Variants in SMARCC2 observed in about 807,000 individuals in gnomAD.
SMARCC2 encodes SWI/SNF related BAF chromatin remodeling complex subunit C2, also known as SWI/SNF complex subunit SMARCC2.
Under a neutral mutation model 151.3 loss-of-function variants are expected in SMARCC2, and 15 were observed. The ratio of observed to expected loss-of-function variants is 0.10; its 90% CI spans 0.07 to 0.15. The LOEUF is 0.15. Among genes scored for constraint, SMARCC2 ranks in the 10% least tolerant of loss-of-function variants. SMARCC2 has a pLI of 1.00. For synonymous variants in SMARCC2, 590 were observed against 609.5 expected, an observed-to-expected ratio of 0.97 and a Z score of 0.47; for missense variants, 1,031 against 1,599.7, an observed-to-expected ratio of 0.64 and a Z score of 6.06.
chr12:56,170,022 C>G (rs1196967201), intron 23 of SMARCC2, 111 bp from the exon 24 acceptor site: 1 of 1,438,718 alleles, frequency 7.0e-7, no homozygotes, highest in Non-Finnish European at 9.7e-7. Context: ...TGGAGGTGAT[C>G]TGATTCTAGG....
At chr12:56,173,160 T>A in intron 17 of SMARCC2, 131 bp from the exon 18 acceptor site, 1 of 698,020 alleles carries the variant, frequency 1.4e-6, no homozygotes, top group Non-Finnish European at 2.5e-6. Flanking sequence ...CCATGTTCCC[T>A]TCATGATTAA....
intron 11 of SMARCC2, among the ~76,000 whole-genome samples, chr12:56,179,345 T>C (rs888737784): frequency 3.9e-5 from 6 of 152,270 alleles, no homozygotes; most frequent in Admixed American, 3.9e-4. Context: ...AATGGTCTGA[T>C]ACTGAATCTG....
intron 15 of SMARCC2, among the ~76,000 whole-genome samples, chr12:56,177,710 G>T (rs1391255122): frequency 1.3e-5 from 2 of 152,222 alleles, no homozygotes; most frequent in African/African-American, 4.8e-5. Context: ...AATATCTGCA[G>T]TATAGACGAT....
intron 10 of SMARCC2, 148 bp from the exon 11 acceptor site, chr12:56,181,249 G>T: frequency 1.3e-6 from 1 of 777,422 alleles, no homozygotes; most frequent in Non-Finnish European, 2.0e-6. Flanking sequence ...GTAATGGGAA[G>T]TGGCAAAGGC....
Position 56,171,543 on chromosome 12 carries a change from C to T in SMARCC2, c.2186-111G>A. ...GTCTTCATCTAAGCTAGTATGGAGC[C>T]TAGACAGGTGCCTGAGCTGAGGCCC... On this transcript the variant is annotated intron_variant, in intron 21 of 28. Coordinates refer to ENST00000550164, the MANE Select transcript of SMARCC2 (RefSeq NM_001330288.2). This position sits in a 1 kb window ranked among gnomAD's most constrained non-coding sequence, Gnocchi z 4.2. 2.6e-6 allele frequency: 4 copies of T among 1,512,148 alleles called. No homozygotes were observed. In the South Asian group the frequency reaches 4.9e-5, roughly 18 times the overall value. The allele number at this position is 1,512,148 out of a possible 1,614,324, so 93.7% of individuals were successfully genotyped here.
Position 56,171,488 on chromosome 12 carries a change from A to AT in SMARCC2, c.2186-57dup. On this transcript the variant is annotated intron_variant, in intron 21 of 28. Coordinates refer to ENST00000550164, the MANE Select transcript of SMARCC2 (RefSeq NM_001330288.2). The surrounding 1 kb of genome is among the most constrained non-coding windows in gnomAD (Gnocchi z 4.2). ...GCGGCACAGTGGAACAGTTCTGGCA[A>AT]TCCCTGCAAAAGCTTACTCACAAGC... is the stretch of plus-strand genomic sequence containing the variant. 6.2e-7 allele frequency: 1 copy of AT among 1,606,148 alleles called. No individual in the cohort carries two copies. The highest frequency in any genetic ancestry group is 2.2e-5 in the East Asian group (1 of 44,820).
Position 56,181,993 on chromosome 12 carries a change from G to A in SMARCC2, c.708+11C>T, listed in dbSNP as rs1876307596. On this transcript the variant is annotated intron_variant, in intron 8 of 28. Coordinates refer to ENST00000550164, the MANE Select transcript of SMARCC2 (RefSeq NM_001330288.2). ...TCTTTTTGGGGAAGAGGGGATACAA[G>A]AAAAGCTCACCTTCCTAGGTTTCTC... is the stretch of plus-strand genomic sequence containing the variant. 3 of 1,606,138 alleles carry A rather than the reference G, an allele frequency of 1.9e-6. No homozygotes were observed. The African/African-American group carries it at 4.0e-5, about 21-fold the overall frequency.
chr12:56,182,091 A>G lies in SMARCC2; in HGVS notation c.633-12T>C, dbSNP rs1480916922. On this transcript the variant is annotated splice_polypyrimidine_tract_variant and intron_variant, in intron 7 of 28. Coordinates refer to ENST00000550164, the MANE Select transcript of SMARCC2 (RefSeq NM_001330288.2). ...TCCACGTGTCGTAACTGCCATGGGA[A>G]ATTGAGCACACAGTAGAATCAATGG... 1.3e-6 allele frequency: 2 copies of G among 1,596,004 alleles called. No individual in the cohort carries two copies. The highest frequency in any genetic ancestry group is 1.1e-5 in the South Asian group (1 of 90,356).
At position 56,184,188 on chromosome 12, in the gene SMARCC2, C is replaced by T; in HGVS notation, c.549G>A (p.Gly183=). The change falls in exon 6 of 29, where the codon GGG becomes GGA. Residue 183 remains glycine, a synonymous_variant. Transcript: ENST00000550164. ...CCCAGGTCTCACCTTCTTCTAGATTCCCCGGGACAGGATACACAACATGGG... is the reference window on the plus strand; with the variant it reads ...CCCAGGTCTCACCTTCTTCTAGATTTCCCGGGACAGGATACACAACATGGG... The part of the protein sequence containing the change: ...NASHVVYPVP[G]NLEEEEWVRP... 6.2e-7 allele frequency: 1 copy of T among 1,612,702 alleles called. No homozygotes were observed. The highest frequency in any genetic ancestry group is 8.5e-7 in the Non-Finnish European group (1 of 1,178,870).
chr12:56,173,667 C>T (rs756565336), intron 17 of SMARCC2, 29 bp downstream of exon 17: 7 of 1,577,732 alleles, frequency 4.4e-6, no homozygotes, highest in Middle Eastern at 1.7e-4. Context: ...CTTCCCAACC[C>T]GCCCCATCCC....
Position 56,171,648 on chromosome 12 carries a change from A to G in SMARCC2, c.2185+31T>C, listed in dbSNP as rs774131911. 1.8e-5 allele frequency: 28 copies of G among 1,523,824 alleles called. 1 individual carries two copies. The highest frequency in any genetic ancestry group is 1.1e-4 in the East Asian group (5 of 44,168). The allele number at this position is 1,523,824 out of a possible 1,614,324, so 94.4% of individuals were successfully genotyped here. ...ACTAGCCCTTCAAAAGCAAACTAAG[A>G]AGGCCAGGTGGAACCACCCACCCCC... is the stretch of plus-strand genomic sequence containing the variant. On this transcript the variant is annotated intron_variant, in intron 21 of 28. Transcript: ENST00000550164. This position sits in a 1 kb window ranked among gnomAD's most constrained non-coding sequence, Gnocchi z 4.2.
At chr12:56,169,743 C>G in intron 24 of SMARCC2, 33 bp downstream of exon 24, 1 of 1,614,046 alleles carries the variant, frequency 6.2e-7, no homozygotes, top group Non-Finnish European at 8.5e-7. Context: ...CACCTCTGTC[C>G]TGCACCCCCA....
chr12:56,172,223 G>C (rs1874083384), intron 20 of SMARCC2: 1 of 551,370 alleles, frequency 1.8e-6, no homozygotes, highest in South Asian at 2.6e-5. Context: ...TGGGACCACA[G>C]GTGTGTGCCA....
intron 25 of SMARCC2, 105 bp downstream of exon 25, chr12:56,169,424 G>A: frequency 7.5e-7 from 1 of 1,333,458 alleles, no homozygotes; most frequent in Non-Finnish European, 1.0e-6. Context: ...AAAATAAATA[G>A]GTCAGCATTA....
Position 56,186,139 on chromosome 12 carries a change from G to C in SMARCC2, c.317+16C>G. ...CTCTAAACTAAATATAAGAAGAATA[G>C]AGAGAATCATCTCACCATCCCTGGT... On this transcript the variant is annotated intron_variant, in intron 3 of 28. Transcript: ENST00000550164. The C allele has an allele frequency of 6.5e-7, 1 of 1,535,168 alleles. No homozygotes were observed. Among genetic ancestry groups the C allele is most frequent in the Non-Finnish European group, 9.0e-7 (1 of 1,108,082 alleles).
chr12:56,184,087 A>G, intron 6 of SMARCC2, 88 bp downstream of exon 6: 2 of 1,091,320 alleles, frequency 1.8e-6, no homozygotes, highest in Non-Finnish European at 2.8e-6. Flanking sequence ...AAAGAAGAGG[A>G]GGAGCCCAGG....
rs138079036 is a variant in SMARCC2 at position 56,184,191 on chromosome 12, C to T, written c.546G>A (p.Pro182=). 1.5e-5 allele frequency: 24 copies of T among 1,613,206 alleles called. No homozygotes were observed. In the East Asian group the frequency reaches 2.2e-4, roughly 15 times the overall value. The stretch of plus-strand genomic sequence containing the variant: ...AGGTCTCACCTTCTTCTAGATTCCC[C>T]GGGACAGGATACACAACATGGGAGG... ...NNASHVVYPV[P]GNLEEEEWVR... The change falls in exon 6 of 29, where the codon CCG becomes CCA. Residue 182 remains proline (P), a synonymous_variant. Transcript: ENST00000550164.
At chr12:56,164,227 T>G in intron 28 of SMARCC2, 76 bp downstream of exon 28, 1 of 1,362,874 alleles carries the variant, frequency 7.3e-7, no homozygotes, top group South Asian at 1.2e-5. Flanking sequence ...CCTGACCTCT[T>G]CCCCACCTGC....
Position 56,189,288 on chromosome 12 carries a change from T to G in SMARCC2, c.111+63A>C. ...TGGAGGGTAGGCAGGATCCCGGGGC[T>G]GCAGGGCCGCGGTCCCTTTGTCCCG... is the stretch of plus-strand genomic sequence containing the variant. On this transcript the variant is annotated intron_variant, in intron 1 of 28. Transcript: ENST00000550164. The G allele has an allele frequency of 3.8e-6, 4 of 1,060,294 alleles. No homozygotes were observed. In the South Asian group the frequency reaches 6.8e-5, roughly 18 times the overall value. 65.7% of individuals were successfully genotyped at this position (1,060,294 alleles called of 1,614,324 possible). A position where few individuals can be genotyped will look rare whatever the true frequency, so the allele number is the denominator to read the frequency against.
Sources: gnomAD v4.1 joint callset for allele counts (sites outside exome capture counted in the v4.1 genomes callset) on GRCh38, gnomAD v4.1.1 for gene constraint, Gnocchi (gnomAD v3.1) non-coding constraint, MANE v1.5 for transcripts, NCBI Gene and HGNC (gene_info 2026-07-23, HGNC 2026-07-21) for gene names.